PDE4B: variants seen among roughly 807,000 people sequenced by gnomAD.
The protein encoded by PDE4B is phosphodiesterase 4B, also known as 3',5'-cyclic-AMP phosphodiesterase 4B.
PDE4B carries 20 observed loss-of-function variants against 82.2 expected under a neutral mutation model. The ratio of observed to expected loss-of-function variants is 0.24; its 90% CI spans 0.17 to 0.35. PDE4B has a LOEUF of 0.35. Ranked by LOEUF, PDE4B falls within the 10% of genes least tolerant of loss-of-function variation. PDE4B has a pLI of 1.00. For missense variants in PDE4B, 655 were observed against 907.2 expected, an observed-to-expected ratio of 0.72 and a Z score of 3.57; for synonymous variants, 320 against 318.9, an observed-to-expected ratio of 1.00 and a Z score of -0.04.
intron 1 of PDE4B, among the ~76,000 whole-genome samples, chr1:65,813,957 G>A (rs1645850221): frequency 6.7e-6 from 1 of 150,314 alleles, no homozygotes; most frequent in African/African-American, 2.4e-5. Context: ...TGTCTTCAGT[G>A]TTATGCTGAT....
At chr1:66,003,361 A>G (rs1490628166) in intron 3 of PDE4B, among the ~76,000 whole-genome samples, 1 of 145,838 alleles carries the variant, frequency 6.9e-6, no homozygotes, top group Non-Finnish European at 1.5e-5. Context: ...AAAAAAAAAA[A>G]CATTTATCAT....
chr1:65,856,240 G>A (rs1476579600), intron 1 of PDE4B, among the ~76,000 whole-genome samples: 1 of 152,110 alleles, frequency 6.6e-6, no homozygotes, highest in Admixed American at 6.5e-5. Flanking sequence ...GGCAGAACGT[G>A]CAGGTTTGTT....
At chr1:66,242,272 G>A (rs1411210911) in intron 3 of PDE4B, among the ~76,000 whole-genome samples, 1 of 152,102 alleles carries the variant, frequency 6.6e-6, no homozygotes, top group Non-Finnish European at 1.5e-5. Flanking sequence ...TTGAAATGAG[G>A]CAAAAAGAAT....
At chr1:66,151,113 C>T (rs779961233) in intron 3 of PDE4B, among the ~76,000 whole-genome samples, 6 of 152,022 alleles carry the variant, frequency 3.9e-5, no homozygotes, top group East Asian at 1.9e-4. Flanking sequence ...TAAGGATTTG[C>T]GTTACTTCTT....
At chr1:66,252,630 A>G (rs141770598) in intron 4 of PDE4B, among the ~76,000 whole-genome samples, 166 of 152,324 alleles carry the variant, frequency 1.1e-3, no homozygotes, top group African/African-American at 3.8e-3. Context: ...CTGAATGCAT[A>G]TGGCTTTTGC....
At chr1:66,303,353 GTATA>G (rs55857576) in intron 7 of PDE4B, among the ~76,000 whole-genome samples, 5,549 of 148,228 alleles carry the variant, frequency 0.037, 121 homozygotes, top group Middle Eastern at 0.061. Flanking sequence ...GTGTGTGTGT[GTATA>G]TATATATATA....
intron 3 of PDE4B, among the ~76,000 whole-genome samples, chr1:66,192,450 G>A (rs1647902460): frequency 6.6e-6 from 1 of 151,912 alleles, no homozygotes; most frequent in Admixed American, 6.6e-5. Flanking sequence ...TCTTCTCACT[G>A]TACTGTCCTT....
At chr1:66,259,228 T>G (rs1654493626) in intron 6 of PDE4B, among the ~76,000 whole-genome samples, 1 of 152,184 alleles carries the variant, frequency 6.6e-6, no homozygotes, top group Non-Finnish European at 1.5e-5. Context: ...GATATATGCA[T>G]TTAACAAATA....
intron 3 of PDE4B, among the ~76,000 whole-genome samples, chr1:66,212,345 A>G (rs1459608658): frequency 2.0e-5 from 3 of 152,292 alleles, no homozygotes; most frequent in South Asian, 2.1e-4. Flanking sequence ...CTTTCTGTAC[A>G]TAGGCATCCA....
intron 3 of PDE4B, chr1:65,992,678 C>G (rs771932029): frequency 8.7e-6 from 11 of 1,259,310 alleles, no homozygotes; most frequent in Non-Finnish European, 1.1e-5. Flanking sequence ...AGCACTTTGG[C>G]GCATTTTCAG....
At chr1:66,043,644 A>G (rs1313566584) in intron 3 of PDE4B, among the ~76,000 whole-genome samples, 1 of 151,750 alleles carries the variant, frequency 6.6e-6, no homozygotes, top group Non-Finnish European at 1.5e-5. Flanking sequence ...GACCAACGAA[A>G]CCATGAAAGT....
At chr1:65,820,997 G>A (rs1312147919) in intron 1 of PDE4B, among the ~76,000 whole-genome samples, 1 of 152,186 alleles carries the variant, frequency 6.6e-6, no homozygotes, top group Non-Finnish European at 1.5e-5. Context: ...TTTCCTTAGA[G>A]CCTCAGAATT....
intron 1 of PDE4B, among the ~76,000 whole-genome samples, chr1:65,891,068 A>G (rs1646847728): frequency 6.6e-6 from 1 of 152,142 alleles, no homozygotes; most frequent in African/African-American, 2.4e-5. Flanking sequence ...AAATTGAAGG[A>G]GAAAAAGTAA....
intron 1 of PDE4B, among the ~76,000 whole-genome samples, chr1:65,868,686 G>T (rs1038757787): frequency 6.6e-6 from 1 of 152,222 alleles, no homozygotes. Flanking sequence ...ACCAGTAGTG[G>T]TCTGTGGCCT....
intron 3 of PDE4B, among the ~76,000 whole-genome samples, chr1:65,960,408 G>A (rs1252265673): frequency 6.6e-6 from 1 of 152,106 alleles, no homozygotes; most frequent in Non-Finnish European, 1.5e-5. Context: ...AGAGATTGCT[G>A]AAATAGATTG....
At chr1:65,908,943 A>T (rs1285392516) in intron 1 of PDE4B, among the ~76,000 whole-genome samples, 1 of 152,198 alleles carries the variant, frequency 6.6e-6, no homozygotes, top group Non-Finnish European at 1.5e-5. Flanking sequence ...AGAAAGAGTT[A>T]GAACCTGAAG....
At chr1:65,877,529 G>A (rs1468134804) in intron 1 of PDE4B, among the ~76,000 whole-genome samples, 1 of 151,794 alleles carries the variant, frequency 6.6e-6, no homozygotes, top group Non-Finnish European at 1.5e-5. Flanking sequence ...GCAGGAGAAT[G>A]GCATGACCCT....
intron 3 of PDE4B, among the ~76,000 whole-genome samples, chr1:65,976,582 C>A (rs1180690334): frequency 3.3e-5 from 5 of 152,002 alleles, no homozygotes; most frequent in African/African-American, 1.2e-4. Flanking sequence ...GGGTTTGTGT[C>A]CCCAACCAAA....
At position 65,913,422 on chromosome 1, in the gene PDE4B, T is replaced by G; in HGVS notation, c.42+66T>G. 3.3e-6 allele frequency: 5 copies of G among 1,501,054 alleles called. No homozygotes were observed. The South Asian group carries it at 5.6e-5, about 17-fold the overall frequency. 93.0% of individuals were successfully genotyped at this position (1,501,054 alleles called of 1,614,324 possible). A position where few individuals can be genotyped will look rare whatever the true frequency, so the allele number is the denominator to read the frequency against. ...TAAAGAAGTCACTGGATAATTCTAT[T>G]CAAAGGGCAGCTGGGGGCATTTAAC... On this transcript the variant is annotated intron_variant, in intron 2 of 16. Coordinates refer to ENST00000341517, the MANE Select transcript of PDE4B (RefSeq NM_002600.4).
Sources: gnomAD v4.1 joint callset for allele counts (sites outside exome capture counted in the v4.1 genomes callset) on GRCh38, gnomAD v4.1.1 for gene constraint, MANE v1.5 for transcripts, NCBI Gene and HGNC (gene_info 2026-07-23, HGNC 2026-07-21) for gene names.